Variants in GSK3B observed in about 807,000 individuals in gnomAD.
The protein encoded by GSK3B is glycogen synthase kinase 3 beta.
In GSK3B, 15 loss-of-function variants were observed where a neutral mutation model predicts 56.4. The observed-to-expected ratio is 0.27, with a 90% CI of 0.18 to 0.41. The LOEUF (loss-of-function observed/expected upper bound fraction) is 0.41. Ranked by LOEUF, GSK3B falls within the 10% of genes least tolerant of loss-of-function variation. The pLI is 1.00. For synonymous variants in GSK3B, 181 were observed against 188.9 expected (o/e 0.96, Z 0.34); for missense variants, 300 against 513.4 (o/e 0.58, Z 4.02).
At chr3:119,844,902 A>C (rs761385352) in intron 9 of GSK3B, among the ~76,000 whole-genome samples, 3 of 152,356 alleles carry the variant, frequency 2.0e-5, no homozygotes, top group Non-Finnish European at 4.4e-5. Context: ...CATAGATGCA[A>C]AAATCCTCAA....
At chr3:119,844,953 C>G (rs769591731) in intron 9 of GSK3B, among the ~76,000 whole-genome samples, 1 of 152,140 alleles carries the variant, frequency 6.6e-6, no homozygotes, top group African/African-American at 2.4e-5. Context: ...CCTTAAAAAG[C>G]GTATCCACCA....
chr3:119,971,418 T>C, intron 2 of GSK3B, among the ~76,000 whole-genome samples: 1 of 152,086 alleles, frequency 6.6e-6, no homozygotes, highest in East Asian at 1.9e-4. Flanking sequence ...GCTCTAGTAA[T>C]AATTTGATCA....
rs1469419110 is a variant in GSK3B at position 119,865,460 on chromosome 3, ATATATATTTTTTTT to A, written c.910-1869_910-1856del. Among the ~76,000 whole-genome samples, 5 of 28,486 alleles carry A rather than the reference ATATATATTTTTTTT, an allele frequency of 1.8e-4. No homozygotes were observed. In the East Asian group the frequency reaches 3.1e-3, roughly 18 times the overall value. The allele number at this position is 28,486 out of a possible 152,430, so 18.7% of individuals were successfully genotyped here. A position where few individuals can be genotyped will look rare whatever the true frequency, so the allele number is the denominator to read the frequency against. On this transcript the variant is annotated intron_variant, in intron 8 of 10. Transcript: ENST00000264235. ...GATATATATATATATATATATATAT[ATATATATTTTTTTT>A]TTTTTTTTTTTTTTTGAGATGGAGT...
At chr3:119,926,611 T>C (rs1014763380) in intron 3 of GSK3B, among the ~76,000 whole-genome samples, 5 of 152,220 alleles carry the variant, frequency 3.3e-5, no homozygotes, top group Admixed American at 6.5e-5. Flanking sequence ...CATTGGTCTA[T>C]AAGGTACTAC....
intron 1 of GSK3B, among the ~76,000 whole-genome samples, chr3:120,038,868 G>C (rs980725511): frequency 1.0e-4 from 15 of 150,542 alleles, no homozygotes; most frequent in African/African-American, 3.7e-4. Context: ...AAAAACTTCT[G>C]CTCTTTGAAA....
chr3:119,885,887 C>G (rs1475101348), intron 7 of GSK3B, among the ~76,000 whole-genome samples: 2 of 152,046 alleles, frequency 1.3e-5, no homozygotes, highest in African/African-American at 4.8e-5. Context: ...TCACCATATA[C>G]AAAAAGTGAC....
At chr3:120,075,450 C>A (rs1262985754) in intron 1 of GSK3B, among the ~76,000 whole-genome samples, 1 of 152,094 alleles carries the variant, frequency 6.6e-6, no homozygotes, top group East Asian at 1.9e-4. Context: ...AAAATTATCT[C>A]TATTTGCAGA....
At chr3:119,976,100 C>T (rs573746223) in intron 2 of GSK3B, among the ~76,000 whole-genome samples, 33 of 152,286 alleles carry the variant, frequency 2.2e-4, no homozygotes, top group African/African-American at 7.9e-4. Context: ...AATTGCAATG[C>T]TCATACATTG....
chr3:120,094,110 C>A lies in GSK3B; in HGVS notation c.-676G>T, dbSNP rs201334863. On this transcript the variant is annotated 5_prime_UTR_variant, in exon 1 of 11. Transcript: ENST00000264235. ...AGCTGCAGGCGGCGGCTGGATCCAGCGGCCATGGCGGTGGCGGAGGCAGCT... is the reference window on the plus strand; with the variant it reads ...AGCTGCAGGCGGCGGCTGGATCCAGAGGCCATGGCGGTGGCGGAGGCAGCT... 7.3e-4 allele frequency: 168 copies of A among 228,614 alleles called. 1 individual carries two copies. The highest frequency in any genetic ancestry group is 1.4e-4 in the South Asian group (1 of 7,310). 14.2% of individuals were successfully genotyped at this position (228,614 alleles called of 1,614,324 possible). A position where few individuals can be genotyped will look rare whatever the true frequency, so the allele number is the denominator to read the frequency against.
Position 119,821,491 on chromosome 3 carries a change from CACA to C in GSK3B, c.*5294_*5296del, listed in dbSNP as rs1375772995. On this transcript the variant is annotated 3_prime_UTR_variant, in exon 11 of 11. Transcript: ENST00000264235. ...AGTATTGGAAATGAGCAGACTCAAA[CACA>C]ACATGTGTTGGTTACCTGGGAGGTA... The C allele has an allele frequency of 3.3e-5, 5 of 152,150 alleles. No individual in the cohort carries two copies. Among genetic ancestry groups the C allele is most frequent in the Non-Finnish European group, 7.3e-5 (5 of 68,050 alleles). The allele number at this position is 152,150 out of a possible 1,614,324, so 9.4% of individuals were successfully genotyped here.
At chr3:119,878,908 T>C (rs987709945) in intron 7 of GSK3B, among the ~76,000 whole-genome samples, 1 of 152,154 alleles carries the variant, frequency 6.6e-6, no homozygotes, top group African/African-American at 2.4e-5. Context: ...AGATCTATAG[T>C]TTTGAGAAGC....
chr3:119,903,302 CTCTTA>C (rs1475040419), intron 7 of GSK3B, among the ~76,000 whole-genome samples: 21 of 152,118 alleles, frequency 1.4e-4, no homozygotes, highest in African/African-American at 4.3e-4. Flanking sequence ...ACTTACAGTT[CTCTTA>C]TCTTATATCA....
At chr3:119,969,298 A>G (rs2107513591) in intron 2 of GSK3B, among the ~76,000 whole-genome samples, 1 of 152,214 alleles carries the variant, frequency 6.6e-6, no homozygotes, top group Admixed American at 6.5e-5. Flanking sequence ...TCTCAAAAAA[A>G]AAAAAAAATC....
chr3:120,036,713 A>T (rs893493606), intron 1 of GSK3B, among the ~76,000 whole-genome samples: 1 of 149,072 alleles, frequency 6.7e-6, no homozygotes, highest in Non-Finnish European at 1.5e-5. Context: ...GAATTGCTTG[A>T]ACCCGGGAGG....
Position 120,093,650 on chromosome 3 carries a change from T to C in GSK3B, c.-216A>G, listed in dbSNP as rs1306875846. On this transcript the variant is annotated 5_prime_UTR_variant, in exon 1 of 11. Coordinates refer to ENST00000264235, the MANE Select transcript of GSK3B (RefSeq NM_001146156.2). ...CCTTCAAGACAGATCGGCACGGATA[T>C]TTAACATATAGATGATTTAGGACTT... 1.3e-5 allele frequency: 6 copies of C among 454,412 alleles called. No homozygotes were observed. The highest frequency in any genetic ancestry group is 6.9e-5 in the Admixed American group (2 of 29,104). The allele number at this position is 454,412 out of a possible 1,614,324, so 28.1% of individuals were successfully genotyped here.
chr3:119,912,261 A>C (rs1394254576), intron 6 of GSK3B, among the ~76,000 whole-genome samples: 2 of 152,154 alleles, frequency 1.3e-5, no homozygotes, highest in African/African-American at 4.8e-5. Flanking sequence ...CGATCGATTA[A>C]GTTTGCTGTC....
chr3:119,958,410 C>A (rs1576229131), intron 2 of GSK3B, among the ~76,000 whole-genome samples: 1 of 151,582 alleles, frequency 6.6e-6, no homozygotes, highest in African/African-American at 2.4e-5. Context: ...GGTGTGGCAG[C>A]TCATGCCTGT....
intron 1 of GSK3B, among the ~76,000 whole-genome samples, chr3:120,012,449 A>AGC (rs1323418438): frequency 6.6e-6 from 1 of 152,224 alleles, no homozygotes; most frequent in East Asian, 1.9e-4. Flanking sequence ...TTGAAGGTAC[A>AGC]ACAGCACAGC....
At chr3:119,897,384 C>T (rs2056579603) in intron 7 of GSK3B, among the ~76,000 whole-genome samples, 1 of 151,882 alleles carries the variant, frequency 6.6e-6, no homozygotes, top group Non-Finnish European at 1.5e-5. Context: ...TCTTTTAATG[C>T]CTCCGTTTTT....
Sources: allele counts gnomAD v4.1 joint callset (sites outside exome capture counted in the v4.1 genomes callset), GRCh38; gene constraint gnomAD v4.1.1; transcripts MANE v1.5; gene names NCBI Gene and HGNC (gene_info 2026-07-23, HGNC 2026-07-21).